NRXN1: variants seen among roughly 807,000 people sequenced by gnomAD.
The protein encoded by NRXN1 is neurexin 1.
In NRXN1, 39 loss-of-function variants were observed where a neutral mutation model predicts 150.9. The observed-to-expected ratio is 0.26, with a 90% CI of 0.20 to 0.34. The LOEUF (loss-of-function observed/expected upper bound fraction) is 0.34. Ranked by LOEUF, NRXN1 falls within the 10% of genes least tolerant of loss-of-function variation. The probability of loss-of-function intolerance (pLI) is 1.00; values close to 1 mark genes in which losing one functional copy is unlikely to be tolerated. For missense variants in NRXN1, 1,815 were observed against 1,949.9 expected (o/e 0.93, Z 1.30); for synonymous variants, 924 against 757.0 (o/e 1.22, Z -3.62).
At chr2:50,832,347 GAC>G (rs1287279832) in intron 5 of NRXN1, among the ~76,000 whole-genome samples, 1 of 152,212 alleles carries the variant, frequency 6.6e-6, no homozygotes, top group East Asian at 1.9e-4. Flanking sequence ...GATTTGGGAA[GAC>G]ACTGAAAAAA....
At chr2:50,510,708 G>C (rs571226717) in intron 12 of NRXN1, among the ~76,000 whole-genome samples, 1 of 151,954 alleles carries the variant, frequency 6.6e-6, no homozygotes, top group African/African-American at 2.4e-5. Flanking sequence ...AGTGTTGAGC[G>C]AATTATTAAG....
At chr2:50,784,605 A>T (rs1559257553) in intron 5 of NRXN1, among the ~76,000 whole-genome samples, 1 of 152,170 alleles carries the variant, frequency 6.6e-6, no homozygotes, top group Non-Finnish European at 1.5e-5. Context: ...GACCATATGG[A>T]CATAATCGGA....
At chr2:50,757,772 G>C (rs139485901) in intron 5 of NRXN1, among the ~76,000 whole-genome samples, 16 of 151,744 alleles carry the variant, frequency 1.1e-4, no homozygotes, top group African/African-American at 3.1e-4. Flanking sequence ...ACCCTCAAGA[G>C]AGGAGGTAAC....
At chr2:50,790,748 A>G (rs1435058636) in intron 5 of NRXN1, among the ~76,000 whole-genome samples, 1 of 152,182 alleles carries the variant, frequency 6.6e-6, no homozygotes, top group African/African-American at 2.4e-5. Flanking sequence ...TAATGTTCAC[A>G]TGGGAAATCT....
chr2:50,070,881 T>G (rs962560864), intron 19 of NRXN1, among the ~76,000 whole-genome samples: 1 of 149,308 alleles, frequency 6.7e-6, no homozygotes, highest in Non-Finnish European at 1.5e-5. Context: ...AGAGGAGAAA[T>G]AGTTCATTGC....
At chr2:50,587,605 G>A (rs1477755583) in intron 8 of NRXN1, among the ~76,000 whole-genome samples, 5 of 152,084 alleles carry the variant, frequency 3.3e-5, no homozygotes, top group Non-Finnish European at 7.4e-5. Flanking sequence ...TTTAATTTCT[G>A]AATTATAGTT....
chr2:50,357,765 T>C (rs1173739033), intron 17 of NRXN1, among the ~76,000 whole-genome samples: 1 of 152,164 alleles, frequency 6.6e-6, no homozygotes, highest in Non-Finnish European at 1.5e-5. Flanking sequence ...GCTTCAGAAG[T>C]AGCAAACACT....
At chr2:49,977,429 A>G (rs1679177612) in intron 21 of NRXN1, among the ~76,000 whole-genome samples, 1 of 152,180 alleles carries the variant, frequency 6.6e-6, no homozygotes, top group South Asian at 2.1e-4. Flanking sequence ...AATTATTTGG[A>G]CCCAAATGTC....
intron 5 of NRXN1, among the ~76,000 whole-genome samples, chr2:50,837,917 G>C (rs1447090276): frequency 6.6e-6 from 1 of 152,074 alleles, no homozygotes; most frequent in East Asian, 1.9e-4. Flanking sequence ...TCCACAGTGA[G>C]CTGATTTATT....
chr2:50,936,755 G>C (rs1688605547), intron 2 of NRXN1, among the ~76,000 whole-genome samples: 1 of 152,060 alleles, frequency 6.6e-6, no homozygotes, highest in Non-Finnish European at 1.5e-5. Context: ...ATTCTGGACT[G>C]AGATTGAGAA....
Position 50,552,474 on chromosome 2 carries a change from T to C in NRXN1, c.1759+113A>G, listed in dbSNP as rs1216492202. 3 of 775,618 alleles carry C rather than the reference T, an allele frequency of 3.9e-6. No individual in the cohort carries two copies. The African/African-American group carries it at 5.2e-5, about 13-fold the overall frequency. 48.0% of individuals were successfully genotyped at this position (775,618 alleles called of 1,614,324 possible). A position where few individuals can be genotyped will look rare whatever the true frequency, so the allele number is the denominator to read the frequency against. ...CAATATCAGGCAATTTCTTTTAGGC[T>C]AAAGAAACAAATGCAGGAAGTCTTT... is the stretch of plus-strand genomic sequence containing the variant. On this transcript the variant is annotated intron_variant, in intron 9 of 22. Coordinates refer to ENST00000401669, the MANE Select transcript of NRXN1 (RefSeq NM_001330078.2).
chr2:50,582,504 A>T (rs932243505), intron 8 of NRXN1, among the ~76,000 whole-genome samples: 1 of 141,882 alleles, frequency 7.0e-6, no homozygotes, highest in Non-Finnish European at 1.5e-5. Context: ...AAAAAAAAAA[A>T]TTATTTACCA....
intron 5 of NRXN1, among the ~76,000 whole-genome samples, chr2:50,823,361 AT>A (rs1184416875): frequency 2.6e-5 from 4 of 151,764 alleles, no homozygotes; most frequent in Non-Finnish European, 5.9e-5. Context: ...GTGAATCAAA[AT>A]TTTTTTTTCT....
In NRXN1 at chr2:50,610,662, T is replaced by C. The variant is rs200856936; in HGVS notation, c.1320+9360A>G. The stretch of plus-strand genomic sequence containing the variant: ...AGATACATATATATATATATATATA[T>C]ATATATATATATATATCTGTACAAA... On this transcript the variant is annotated intron_variant, in intron 8 of 22. Transcript: ENST00000401669. Among the ~76,000 whole-genome samples, 607 of 125,284 alleles carry C rather than the reference T, an allele frequency of 4.8e-3. 33 individuals carry two copies. The highest frequency in any genetic ancestry group is 0.017 in the African/African-American group (578 of 34,158). The allele number at this position is 125,284 out of a possible 152,430, so 82.2% of individuals were successfully genotyped here. A position where few individuals can be genotyped will look rare whatever the true frequency, so the allele number is the denominator to read the frequency against.
At chr2:49,923,663 T>G (rs1418688766) in intron 22 of NRXN1, among the ~76,000 whole-genome samples, 1 of 152,222 alleles carries the variant, frequency 6.6e-6, no homozygotes, top group South Asian at 2.1e-4. Flanking sequence ...AACATATGGC[T>G]CTATACTGCT....
chr2:50,715,648 C>A (rs1210269457), intron 5 of NRXN1, among the ~76,000 whole-genome samples: 6 of 152,138 alleles, frequency 3.9e-5, no homozygotes. Flanking sequence ...AAAGTGAAGT[C>A]ATCGTCCCCC....
intron 2 of NRXN1, among the ~76,000 whole-genome samples, chr2:50,962,594 C>A (rs953027457): frequency 6.6e-6 from 1 of 151,590 alleles, no homozygotes; most frequent in Admixed American, 6.6e-5. Context: ...ACCCAGTCTA[C>A]AAGCTTATGG....
intron 21 of NRXN1, among the ~76,000 whole-genome samples, chr2:49,960,997 T>C (rs17491881): frequency 0.16 from 24,133 of 152,114 alleles, 2,163 homozygotes; most frequent in South Asian, 0.29. Flanking sequence ...CTTTTTTTCA[T>C]GTAAAATGAG....
rs200610894 is a variant in NRXN1, at chr2:50,528,633, C to G, written c.2366G>C (p.Cys789Ser). The G allele has an allele frequency of 6.5e-7, 1 of 1,544,538 alleles. No individual in the cohort carries two copies. The highest frequency in any genetic ancestry group is 8.9e-7 in the Non-Finnish European group (1 of 1,124,838). Residue 789 changes from cysteine (C) to serine (S), a missense_variant, in exon 12 of 23, where the codon TGT becomes TCT. By Grantham distance (112) the Cys-to-Ser change is moderately radical. Coordinates refer to ENST00000401669, the MANE Select transcript of NRXN1 (RefSeq NM_001330078.2). ...TTTGAATAGGCACTTACTGGAATTA[C>G]AGTTAATCCTGATACAATCTAGATG... is the stretch of plus-strand genomic sequence containing the variant. ...TVNLDCIRINCNSSKGPETLF... is the reference protein window; with the variant it reads ...TVNLDCIRINSNSSKGPETLF...
Sources: gnomAD v4.1 joint callset for allele counts (sites outside exome capture counted in the v4.1 genomes callset) on GRCh38, gnomAD v4.1.1 for gene constraint, MANE v1.5 for transcripts, NCBI Gene and HGNC (gene_info 2026-07-23, HGNC 2026-07-21) for gene names.